The following ATP13A5 variants were observed in gnomAD, a reference collection of about 807,000 sequenced individuals.
ATP13A5 encodes the protein probable cation-transporting ATPase 13A5.
A neutral mutation model predicts 150.2 loss-of-function variants in ATP13A5; 149 were observed. That is an observed-to-expected ratio of 0.99 (90% confidence interval 0.87 to 1.14). The LOEUF (loss-of-function observed/expected upper bound fraction) is 1.14. Ranked by LOEUF, ATP13A5 falls within the 50% of genes most tolerant of loss-of-function variation. ATP13A5 has a pLI of 0.00. For synonymous variants in ATP13A5, 497 were observed against 522.2 expected, an observed-to-expected ratio of 0.95 and a Z score of 0.66; for missense variants, 1,383 against 1,449.3, an observed-to-expected ratio of 0.95 and a Z score of 0.74.
In ATP13A5 at chr3:193,324,997, C is replaced by T. The variant is rs778020787; in HGVS notation, c.1541G>A (p.Ser514Asn). The T allele has an allele frequency of 2.5e-6, 4 of 1,610,658 alleles. No individual in the cohort carries two copies. The African/African-American group carries it at 4.0e-5, about 16-fold the overall frequency. ...TADNCFQEAH[S>N]FASGQAVPWS... ...TGGCACAGCCTGGCCTGAGGCAAAG[C>T]TGTGGGCTTCCTGGAAGCTGGTAGA... Residue 514 changes from serine (S) to asparagine (N), a missense_variant, in exon 14 of 30, where the codon AGC becomes AAC. Coordinates refer to ENST00000342358, the MANE Select transcript of ATP13A5 (RefSeq NM_198505.4).
At chr3:193,282,067 GCACCTGTA>G (rs1717521573) in intron 27 of ATP13A5, among the ~76,000 whole-genome samples, 1 of 151,874 alleles carries the variant, frequency 6.6e-6, no homozygotes, top group South Asian at 2.1e-4. Flanking sequence ...GTGGTGGCGG[GCACCTGTA>G]ATCCCAGCTA....
At chr3:193,314,862 A>G in intron 18 of ATP13A5, 110 bp downstream of exon 18, 1 of 1,414,620 alleles carries the variant, frequency 7.1e-7, no homozygotes. Context: ...CAAATTCGAC[A>G]ACAGAACATT....
At chr3:193,311,100 C>T (rs1450696465) in intron 20 of ATP13A5, among the ~76,000 whole-genome samples, 1 of 152,160 alleles carries the variant, frequency 6.6e-6, no homozygotes, top group Admixed American at 6.5e-5. Flanking sequence ...AGCTGAGAAA[C>T]AAGGCTCTGT....
At chr3:193,281,177 T>C in intron 27 of ATP13A5, 1 of 985,362 alleles carries the variant, frequency 1.0e-6, no homozygotes, top group Non-Finnish European at 1.2e-6. Flanking sequence ...GTGTGGATTT[T>C]TCATTTACTT....
intron 11 of ATP13A5, 99 bp from the exon 12 acceptor site, chr3:193,331,410 A>G: frequency 9.0e-7 from 1 of 1,116,092 alleles, no homozygotes; most frequent in South Asian, 1.8e-5. Flanking sequence ...CCTACTGCAG[A>G]GCAAAGGAGA....
chr3:193,341,904 A>G (rs1712143772), intron 9 of ATP13A5, among the ~76,000 whole-genome samples: 2 of 152,230 alleles, frequency 1.3e-5, no homozygotes, highest in Non-Finnish European at 2.9e-5. Context: ...GGGAATACCA[A>G]GTAGGGAGAA....
intron 5 of ATP13A5, among the ~76,000 whole-genome samples, chr3:193,356,571 T>C (rs1712799031): frequency 6.6e-6 from 1 of 151,878 alleles, no homozygotes; most frequent in Admixed American, 6.6e-5. Context: ...AAAGGGAGAC[T>C]CTAATTTAAA....
At chr3:193,351,249 G>A in intron 6 of ATP13A5, 48 bp from the exon 7 acceptor site, 1 of 1,601,614 alleles carries the variant, frequency 6.2e-7, no homozygotes, top group East Asian at 2.2e-5. Context: ...AACCTTAGTA[G>A]CAATCAAGAA....
chr3:193,378,598 G>T (rs1713725795), intron 1 of ATP13A5, 65 bp downstream of exon 1: 6 of 1,335,744 alleles, frequency 4.5e-6, no homozygotes, highest in Non-Finnish European at 6.4e-6. Context: ...TTCTAATTCA[G>T]CTGTAGCCCA....
chr3:193,299,418 C>T (rs1191194466), intron 24 of ATP13A5, among the ~76,000 whole-genome samples: 1 of 152,110 alleles, frequency 6.6e-6, no homozygotes, highest in African/African-American at 2.4e-5. Flanking sequence ...ATATTAGCGA[C>T]AAAAGTCAAT....
At chr3:193,365,330 C>G (rs950000388) in intron 1 of ATP13A5, among the ~76,000 whole-genome samples, 5 of 152,068 alleles carry the variant, frequency 3.3e-5, no homozygotes, top group Non-Finnish European at 5.9e-5. Context: ...TAAAACATCT[C>G]TTGGCTTAAG....
intron 20 of ATP13A5, among the ~76,000 whole-genome samples, chr3:193,310,937 A>C (rs1024272774): frequency 1.3e-5 from 2 of 152,188 alleles, no homozygotes; most frequent in African/African-American, 4.8e-5. Context: ...TTTTTCCCAG[A>C]CTATTTTTCC....
chr3:193,339,427 A>G (rs1712027729), intron 9 of ATP13A5, among the ~76,000 whole-genome samples: 1 of 152,214 alleles, frequency 6.6e-6, no homozygotes, highest in African/African-American at 2.4e-5. Flanking sequence ...AGATTCTGGT[A>G]TATTGAAAAC....
chr3:193,363,497 T>C, intron 2 of ATP13A5, 115 bp from the exon 3 acceptor site: 2 of 942,590 alleles, frequency 2.1e-6, no homozygotes, highest in East Asian at 5.2e-5. Flanking sequence ...GCATCAGCTT[T>C]ATCTCAGAAC....
rs1291360437 is a variant in ATP13A5, at chr3:193,319,121, A to C, written c.1916-13T>G. ...AAATTCTTGGGCACTGCCAGGGTAGAAGAAACAGGTAAGTGTAAGGTCATG... is the reference window on the plus strand; with the variant it reads ...AAATTCTTGGGCACTGCCAGGGTAGCAGAAACAGGTAAGTGTAAGGTCATG... On this transcript the variant is annotated splice_polypyrimidine_tract_variant and intron_variant, in intron 16 of 29. Transcript: ENST00000342358. 2 of 1,598,220 alleles carry C rather than the reference A, an allele frequency of 1.3e-6. No individual in the cohort carries two copies. Among genetic ancestry groups the C allele is most frequent in the Admixed American group, 3.3e-5 (2 of 59,956 alleles).
At chr3:193,317,259 G>A (rs1453918631) in intron 17 of ATP13A5, among the ~76,000 whole-genome samples, 1 of 152,162 alleles carries the variant, frequency 6.6e-6, no homozygotes, top group African/African-American at 2.4e-5. Context: ...TAGGCAAAAT[G>A]ACATTCTCTG....
At chr3:193,338,592 C>T (rs1711986883) in intron 9 of ATP13A5, among the ~76,000 whole-genome samples, 1 of 152,182 alleles carries the variant, frequency 6.6e-6, no homozygotes, top group Non-Finnish European at 1.5e-5. Context: ...CCGACTTCAT[C>T]ATGGTGGATA....
intron 9 of ATP13A5, among the ~76,000 whole-genome samples, chr3:193,342,515 A>G (rs369966827): frequency 3.3e-5 from 5 of 152,236 alleles, no homozygotes; most frequent in African/African-American, 1.2e-4. Context: ...TACTTAAGTT[A>G]CACAGATATT....
At chr3:193,360,745 C>G (rs1297349735) in intron 5 of ATP13A5, among the ~76,000 whole-genome samples, 1 of 152,102 alleles carries the variant, frequency 6.6e-6, no homozygotes, top group African/African-American at 2.4e-5. Flanking sequence ...GGCATGATCT[C>G]AGCTCTCTGC....
Sources: allele counts gnomAD v4.1 joint callset (sites outside exome capture counted in the v4.1 genomes callset), GRCh38; gene constraint gnomAD v4.1.1; transcripts MANE v1.5; gene names NCBI Gene and HGNC (gene_info 2026-07-23, HGNC 2026-07-21).